The following GGT1 variants were observed in gnomAD, a reference collection of about 807,000 sequenced individuals.
The protein encoded by GGT1 is glutathione hydrolase 1 proenzyme.
In GGT1, 21 loss-of-function variants were observed where a neutral mutation model predicts 56.0. The ratio of observed to expected loss-of-function variants is 0.38; its 90% CI spans 0.27 to 0.54. The LOEUF (loss-of-function observed/expected upper bound fraction) is 0.54, where lower values mean the gene tolerates loss of function less well. Ranked by LOEUF, GGT1 falls within the 20% of genes least tolerant of loss-of-function variation. The probability of loss-of-function intolerance (pLI) is 0.82; values close to 1 mark genes in which losing one functional copy is unlikely to be tolerated. For synonymous variants in GGT1, 238 were observed against 342.6 expected (o/e 0.69, Z 3.37); for missense variants, 466 against 787.0 (o/e 0.59, Z 4.88).
upstream of GGT1, among the ~76,000 whole-genome samples, chr22:24,593,682 G>A (rs1342416739): frequency 6.6e-6 from 1 of 152,032 alleles, no homozygotes; most frequent in African/African-American, 2.4e-5. Context: ...AGCTATTCGG[G>A]AGGTTGAGGT....
the GGT1 span, among the ~76,000 whole-genome samples, chr22:24,584,161 T>A: frequency 6.6e-6 from 1 of 152,066 alleles, no homozygotes; most frequent in Non-Finnish European, 1.5e-5. Flanking sequence ...GGGAAACACT[T>A]CTATGGCTTC....
intron 5 of GGT1, among the ~76,000 whole-genome samples, chr22:24,611,617 T>G (rs200554168): frequency 1.3e-5 from 2 of 152,050 alleles, no homozygotes; most frequent in South Asian, 4.2e-4. Flanking sequence ...ATCTATCTAT[T>G]TATTTAGAGA....
intron 7 of GGT1, among the ~76,000 whole-genome samples, chr22:24,617,473 TC>T (rs2047145628): frequency 6.6e-6 from 1 of 151,666 alleles, no homozygotes; most frequent in Non-Finnish European, 1.5e-5. Context: ...TGTCTGGAGG[TC>T]ACTGCAGTAA....
Position 24,605,218 on chromosome 22 carries a change from T to TTATATAATATGTATTATATTATATAA in GGT1, c.-429+1716_-429+1717insATATATAATATGTATTATATTATATA. ...TATATAATATGTATTATATTATATA[T>TTATATAATATGTATTATATTATATAA]TATATAATATGTATTATATTATATA... On this transcript the variant is annotated intron_variant, in intron 1 of 15. Coordinates refer to ENST00000400382, the MANE Select transcript of GGT1 (RefSeq NM_001288833.2). 4.7e-3 allele frequency among the ~76,000 whole-genome samples: 88 copies of TTATATAATATGTATTATATTATATAA among 18,672 alleles called. 36 individuals are homozygous for TTATATAATATGTATTATATTATATAA. The highest frequency in any genetic ancestry group is 0.03 in the African/African-American group (82 of 2,752). The allele number at this position is 18,672 out of a possible 152,430, so 12.2% of individuals were successfully genotyped here.
rs749248214 is a variant in GGT1, at chr22:24,614,868, G to C, written c.257G>C (p.Gly86Ala). 34 of 1,612,966 alleles carry C rather than the reference G, an allele frequency of 2.1e-5. No homozygotes were observed. Among genetic ancestry groups the C allele is most frequent in the African/African-American group, 2.7e-5 (2 of 74,900 alleles). The change falls in exon 6 of 16, where the codon GGG becomes GCG. Residue 86 changes from glycine (G) to alanine (A), a missense_variant. Around this residue, in one of 2 missense-constraint regions of GGT1, gnomAD observed 456 missense variants for 716.7 expected, o/e 0.64. Coordinates refer to ENST00000400382, the MANE Select transcript of GGT1 (RefSeq NM_001288833.2). ...GLMNAHSMGI[G>A]GGLFLTIYNS... is the part of the protein sequence containing the mutation. ...ATGAATGCCCACAGCATGGGCATCG[G>C]GGGTGGCCTCTTCCTCACCATCTAC...
chr22:24,602,175 G>C (rs1317523785), upstream of GGT1, among the ~76,000 whole-genome samples: 4 of 152,164 alleles, frequency 2.6e-5, no homozygotes, highest in Non-Finnish European at 5.9e-5. Context: ...TCCTGGAAAA[G>C]GCTCCATTTC....
chr22:24,588,473 C>G, the GGT1 span: 1 of 768,238 alleles, frequency 1.3e-6, no homozygotes, highest in Non-Finnish European at 2.1e-6. Context: ...AGGGCCTCCC[C>G]CTCCTACCCC....
In GGT1 at chr22:24,628,866, G is replaced by C. The variant is rs1448244800; in HGVS notation, c.*27G>C. ...TGCTCCAGGAGGACAAGGCTGACAA[G>C]CAATCCAGGGACAAGATACTCACCA... On this transcript the variant is annotated 3_prime_UTR_variant, in exon 16 of 16. Coordinates refer to ENST00000400382, the MANE Select transcript of GGT1 (RefSeq NM_001288833.2). The surrounding 1 kb of genome is among the most constrained non-coding windows in gnomAD (Gnocchi z 5.7). 6.3e-7 allele frequency: 1 copy of C among 1,585,224 alleles called. No individual in the cohort carries two copies. The highest frequency in any genetic ancestry group is 8.6e-7 in the Non-Finnish European group (1 of 1,166,268).
rs1164581217 is a variant in GGT1 at position 24,605,282 on chromosome 22, T to C, written c.-429+1755T>C. Among the ~76,000 whole-genome samples, 42 of 51,042 alleles carry C rather than the reference T, an allele frequency of 8.2e-4. 5 individuals are homozygous for C. The highest frequency in any genetic ancestry group is 2.5e-3 in the Admixed American group (6 of 2,448). The allele number at this position is 51,042 out of a possible 152,430, so 33.5% of individuals were successfully genotyped here. ...ATTATATATTATATAATATGTATTA[T>C]ATATTATATAATATGTATTATATAT... On this transcript the variant is annotated intron_variant, in intron 1 of 15. Transcript: ENST00000400382.
the GGT1 span, chr22:24,585,849 T>G: frequency 6.6e-7 from 1 of 1,522,228 alleles, no homozygotes; most frequent in Non-Finnish European, 8.8e-7. Context: ...CTTGAGAGCA[T>G]CACAAGTCAG....
At chr22:24,602,545 G>T (rs1360279516), upstream of GGT1, among the ~76,000 whole-genome samples, 1 of 152,184 alleles carries the variant, frequency 6.6e-6, no homozygotes, top group African/African-American at 2.4e-5. Context: ...ATTGAATGGG[G>T]CAGAGCAGGT....
upstream of GGT1, among the ~76,000 whole-genome samples, chr22:24,590,177 G>A (rs9306395): frequency 0.29 from 44,145 of 152,082 alleles, 6,820 homozygotes; most frequent in African/African-American, 0.38. Flanking sequence ...CTGTCACCCA[G>A]GCTGGAGTGC....
the GGT1 span, among the ~76,000 whole-genome samples, chr22:24,587,437 C>T: frequency 1.3e-5 from 2 of 152,164 alleles, no homozygotes; most frequent in Admixed American, 1.3e-4. Context: ...GTGAGCACAC[C>T]CTCAGGACCC....
chr22:24,588,659 A>C, the GGT1 span: 1 of 1,138,316 alleles, frequency 8.8e-7, no homozygotes, highest in South Asian at 2.3e-5. Flanking sequence ...GCCCACCCTC[A>C]GCACCCTTCG....
the GGT1 span, chr22:24,588,085 C>T: frequency 1.1e-5 from 8 of 713,664 alleles, no homozygotes; most frequent in Non-Finnish European, 2.0e-5. Flanking sequence ...GTAGGGCCCT[C>T]ATGCGGACCA....
chr22:24,604,139 G>T (rs1326669420), intron 1 of GGT1, among the ~76,000 whole-genome samples: 6 of 142,198 alleles, frequency 4.2e-5, no homozygotes, highest in Non-Finnish European at 9.2e-5. Context: ...AGACGCCAGA[G>T]ATCTGTGCAT....
Position 24,620,376 on chromosome 22 carries a change from C to G in GGT1, c.431C>G (p.Ala144Gly). The G allele has an allele frequency of 6.2e-7, 1 of 1,611,670 alleles. No individual in the cohort carries two copies. The highest frequency in any genetic ancestry group is 1.1e-5 in the South Asian group (1 of 90,990). ...VPGEIRGYELAHQRHGRLPWA... is the reference protein window; with the variant it reads ...VPGEIRGYELGHQRHGRLPWA... The stretch of plus-strand genomic sequence containing the variant: ...GGGGAGATCCGAGGCTATGAGCTGG[C>G]ACACCAGCGGCATGGGCGGCTGCCC... The change falls in exon 8 of 16, where the codon GCA becomes GGA. Residue 144 changes from alanine to glycine, a missense_variant. Physicochemically the swap from Ala to Gly is moderately conservative, Grantham distance 60. Transcript: ENST00000400382. The surrounding 1 kb of genome is among the most constrained non-coding windows in gnomAD (Gnocchi z 5.6).
In GGT1 at chr22:24,607,243, C is replaced by A. The variant is rs3895579; in HGVS notation, c.-428-711C>A. On this transcript the variant is annotated intron_variant, in intron 1 of 15. Transcript: ENST00000400382. The stretch of plus-strand genomic sequence containing the variant: ...CACTCAGGGCCCCAGGCCATGTTCC[C>A]GGAACACACCTTTAGCATTGACAGC... Among the ~76,000 whole-genome samples, 344 of 151,894 alleles carry A rather than the reference C, an allele frequency of 2.3e-3. 3 individuals carry two copies. The highest frequency in any genetic ancestry group is 4.2e-3 in the Non-Finnish European group (282 of 67,932).
chr22:24,589,985 T>A, upstream of GGT1: 1 of 1,533,674 alleles, frequency 6.5e-7, no homozygotes, highest in Non-Finnish European at 8.8e-7. Context: ...GTGAGCCCGT[T>A]GGGTCTCCCA....
Sources: gnomAD v4.1 joint callset for allele counts (sites outside exome capture counted in the v4.1 genomes callset) on GRCh38, gnomAD v4.1.1 for gene constraint, gnomAD v4.1.1 regional missense constraint, Gnocchi (gnomAD v3.1) non-coding constraint, MANE v1.5 for transcripts, NCBI Gene and HGNC (gene_info 2026-07-23, HGNC 2026-07-21) for gene names.